Variants in MYO3B observed in about 807,000 individuals in gnomAD.
MYO3B encodes the protein myosin IIIB.
A neutral mutation model predicts 174.6 loss-of-function variants in MYO3B; 156 were observed. The ratio of observed to expected loss-of-function variants is 0.89; its 90% CI spans 0.78 to 1.02. The LOEUF (loss-of-function observed/expected upper bound fraction) is 1.02. MYO3B is among the 50% of genes least tolerant of loss of function. MYO3B has a pLI of 0.00. For synonymous variants in MYO3B, 563 were observed against 569.1 expected (o/e 0.99, Z 0.15); for missense variants, 1,632 against 1,639.4 (o/e 1.00, Z 0.08).
intron 7 of MYO3B, among the ~76,000 whole-genome samples, chr2:170,291,277 C>A (rs1427796442): frequency 7.9e-5 from 12 of 151,428 alleles, no homozygotes; most frequent in Non-Finnish European, 1.8e-4. Flanking sequence ...AAACAAAAAA[C>A]CAAAGTTAAA....
chr2:170,321,047 C>A (rs561317446), intron 7 of MYO3B, among the ~76,000 whole-genome samples: 1 of 152,204 alleles, frequency 6.6e-6, no homozygotes, highest in South Asian at 2.1e-4. Flanking sequence ...ATGATCATGC[C>A]TTTGAATAGC....
At chr2:170,221,604 T>C (rs962654134) in intron 6 of MYO3B, among the ~76,000 whole-genome samples, 7 of 152,178 alleles carry the variant, frequency 4.6e-5, no homozygotes, top group African/African-American at 1.4e-4. Context: ...ACTGGCAGAG[T>C]AGTATCAACT....
intron 29 of MYO3B, among the ~76,000 whole-genome samples, chr2:170,515,913 C>G (rs1381499504): frequency 6.6e-6 from 1 of 152,008 alleles, no homozygotes; most frequent in Admixed American, 6.5e-5. Flanking sequence ...TAGCAGGATC[C>G]AGGAGAACAT....
rs79046055 is a variant in MYO3B, at chr2:170,392,451, G to A, written c.1747G>A (p.Glu583Lys). 1.2e-3 allele frequency: 1,969 copies of A among 1,597,698 alleles called. 25 individuals carry two copies. The African/African-American group carries it at 0.023, about 19-fold the overall frequency. The change falls in exon 16 of 35, where the codon GAA (glutamate) becomes AAA (lysine). Residue 583 changes from glutamate (E) to lysine (K), a missense_variant. By Grantham distance (56) the Glu-to-Lys change is moderately conservative (BLOSUM62 1). Coordinates refer to ENST00000408978, the MANE Select transcript of MYO3B (RefSeq NM_138995.5). Reference protein sequence around the residue: ...TSKESYRRQFEAIQHCFRIIG... With the variant: ...TSKESYRRQFKAIQHCFRIIG... The stretch of plus-strand genomic sequence containing the variant: ...CAAGGAGTCTTACAGAAGACAATTC[G>A]AAGCAATTCAGCATTGCTTCAGGAT...
At chr2:170,367,842 A>G (rs919330595) in intron 8 of MYO3B, among the ~76,000 whole-genome samples, 9 of 152,174 alleles carry the variant, frequency 5.9e-5, no homozygotes, top group Non-Finnish European at 1.3e-4. Context: ...TAAAAGTCAA[A>G]TGATGTATTT....
chr2:170,185,508 T>A (rs1216721948), intron 1 of MYO3B, among the ~76,000 whole-genome samples: 1 of 152,210 alleles, frequency 6.6e-6, no homozygotes, highest in Non-Finnish European at 1.5e-5. Context: ...TCTATATAAC[T>A]GTTTTTATGC....
chr2:170,338,404 A>G (rs962393515), intron 8 of MYO3B, among the ~76,000 whole-genome samples: 18 of 152,186 alleles, frequency 1.2e-4, no homozygotes, highest in Non-Finnish European at 2.4e-4. Context: ...TTAGTGAAAA[A>G]TTTTATATAA....
chr2:170,397,493 G>T (rs17425864), intron 16 of MYO3B, among the ~76,000 whole-genome samples: 1 of 152,060 alleles, frequency 6.6e-6, no homozygotes, highest in Non-Finnish European at 1.5e-5. Flanking sequence ...GTTGTTTCAC[G>T]TATAGAAAAT....
intron 7 of MYO3B, among the ~76,000 whole-genome samples, chr2:170,242,111 G>A (rs2093141029): frequency 6.6e-6 from 1 of 152,134 alleles, no homozygotes; most frequent in Non-Finnish European, 1.5e-5. Context: ...ATTTGCCCTG[G>A]GGAGTATTGG....
At chr2:170,259,564 G>A (rs1315375042) in intron 7 of MYO3B, among the ~76,000 whole-genome samples, 1 of 152,008 alleles carries the variant, frequency 6.6e-6, no homozygotes, top group Non-Finnish European at 1.5e-5. Context: ...AACTCAGGAT[G>A]GATTAAAAAC....
intron 30 of MYO3B, among the ~76,000 whole-genome samples, chr2:170,534,137 T>C (rs1446909480): frequency 1.3e-5 from 2 of 152,252 alleles, no homozygotes; most frequent in Non-Finnish European, 2.9e-5. Flanking sequence ...TGAAGGTTTG[T>C]GCCACCCTGT....
At chr2:170,325,906 C>A (rs949509018) in intron 7 of MYO3B, among the ~76,000 whole-genome samples, 1 of 152,212 alleles carries the variant, frequency 6.6e-6, no homozygotes, top group South Asian at 2.1e-4. Flanking sequence ...TATTTTGGAC[C>A]TTATCTGCTG....
chr2:170,237,929 A>G (rs1318040165), intron 7 of MYO3B, among the ~76,000 whole-genome samples: 2 of 152,200 alleles, frequency 1.3e-5, no homozygotes, highest in Non-Finnish European at 2.9e-5. Flanking sequence ...ATGTGTGCTC[A>G]TGTGTGTTCA....
intron 32 of MYO3B, among the ~76,000 whole-genome samples, chr2:170,626,126 G>A (rs10173423): frequency 5.3e-5 from 8 of 152,124 alleles, no homozygotes; most frequent in South Asian, 4.2e-4. Context: ...TTTCTGTCTC[G>A]TTGATCTGTT....
chr2:170,366,061 T>A (rs978825180), intron 8 of MYO3B, among the ~76,000 whole-genome samples: 1 of 152,140 alleles, frequency 6.6e-6, no homozygotes, highest in South Asian at 2.1e-4. Context: ...ATAAACTGCA[T>A]GCTTTTTGCA....
chr2:170,250,104 G>A (rs927295343), intron 7 of MYO3B, among the ~76,000 whole-genome samples: 8 of 152,234 alleles, frequency 5.3e-5, no homozygotes, highest in Admixed American at 2.0e-4. Context: ...TATTATTGAC[G>A]ATGAGCCCTC....
chr2:170,646,848 G>A, intron 32 of MYO3B: 1 of 974,052 alleles, frequency 1.0e-6, no homozygotes, highest in Non-Finnish European at 1.5e-6. Context: ...TGTTCGTCAG[G>A]ATAGTTCAAC....
At chr2:170,469,114 C>T (rs952583655) in intron 25 of MYO3B, among the ~76,000 whole-genome samples, 1 of 152,012 alleles carries the variant, frequency 6.6e-6, no homozygotes, top group South Asian at 2.1e-4. Context: ...CCAGCCAGGG[C>T]GACGGAGTGA....
chr2:170,209,473 G>A (rs2092748636), intron 3 of MYO3B, among the ~76,000 whole-genome samples: 1 of 152,162 alleles, frequency 6.6e-6, no homozygotes, highest in Non-Finnish European at 1.5e-5. Context: ...TGATATTCAT[G>A]AACATTTCAG....
Sources: allele counts gnomAD v4.1 joint callset (sites outside exome capture counted in the v4.1 genomes callset), GRCh38; gene constraint gnomAD v4.1.1; transcripts MANE v1.5; gene names NCBI Gene and HGNC (gene_info 2026-07-23, HGNC 2026-07-21).